ZNF761: variants seen among roughly 807,000 people sequenced by gnomAD.
ZNF761 encodes zinc finger protein 761.
In ZNF761, 43 loss-of-function variants were observed where a neutral mutation model predicts 59.9. That is an observed-to-expected ratio of 0.72 (90% confidence interval 0.56 to 0.92). ZNF761 has a LOEUF of 0.92. ZNF761 is among the 40% of genes least tolerant of loss of function. ZNF761 has a pLI of 0.00. For synonymous variants in ZNF761, 294 were observed against 304.8 expected, an observed-to-expected ratio of 0.96 and a Z score of 0.37; for missense variants, 850 against 906.1, an observed-to-expected ratio of 0.94 and a Z score of 0.79.
intron 4 of ZNF761, among the ~76,000 whole-genome samples, chr19:53,453,206 G>A (rs1000889538): frequency 6.6e-6 from 1 of 152,090 alleles, no homozygotes; most frequent in African/African-American, 2.4e-5. Flanking sequence ...ATTTCACCAT[G>A]TTGGCCAAGC....
At position 53,455,900 on chromosome 19, in the gene ZNF761, C is replaced by T. The variant is rs139734859; in HGVS notation, c.1393C>T (p.Pro465Ser). 2 of 1,613,890 alleles carry T rather than the reference C, an allele frequency of 1.2e-6. No individual in the cohort carries two copies. The highest frequency in any genetic ancestry group is 1.7e-6 in the Non-Finnish European group (2 of 1,179,900). Residue 465 changes from proline (P) to serine (S), a missense_variant, in exon 5 of 5, where the codon CCT becomes TCT. Physicochemically the swap from Pro to Ser is moderately conservative, Grantham distance 74 (BLOSUM62 -1). Coordinates refer to ENST00000684525, the MANE Select transcript of ZNF761 (RefSeq NM_001289951.2). The part of the protein sequence containing the change: ...CHRRRHTGEQ[P>S]YKCEECDKAF... ...TCGTAGACGTCATACTGGAGAGCAA[C>T]CTTACAAATGTGAAGAATGTGACAA...
intron 1 of ZNF761, among the ~76,000 whole-genome samples, chr19:53,434,016 T>G (rs34722177): frequency 0.09 from 13,712 of 152,296 alleles, 801 homozygotes; most frequent in African/African-American, 0.16. Flanking sequence ...GGAGGTAGTC[T>G]AAAGCTAATC....
chr19:53,447,651 G>A (rs10403011), intron 3 of ZNF761, among the ~76,000 whole-genome samples: 2,560 of 152,308 alleles, frequency 0.017, 81 homozygotes, highest in African/African-American at 0.058. Context: ...TGGAAGTCAT[G>A]TATTCATGTG....
intron 1 of ZNF761, among the ~76,000 whole-genome samples, chr19:53,435,344 G>T (rs1440037824): frequency 1.1e-5 from 1 of 89,198 alleles, no homozygotes; most frequent in Non-Finnish European, 2.1e-5. Context: ...TGCTCTTGTT[G>T]CCCAGTCTGG....
intron 1 of ZNF761, among the ~76,000 whole-genome samples, chr19:53,438,339 C>T (rs1263303947): frequency 6.6e-6 from 1 of 152,196 alleles, no homozygotes; most frequent in African/African-American, 2.4e-5. Context: ...GCAGCTAATG[C>T]CTTAAGGCAA....
At chr19:53,439,157 G>C (rs1196556753) in intron 1 of ZNF761, among the ~76,000 whole-genome samples, 1 of 151,712 alleles carries the variant, frequency 6.6e-6, no homozygotes, top group East Asian at 2.0e-4. Flanking sequence ...TGTAATCCCA[G>C]CTACCCAGGA....
At chr19:53,444,527 A>C (rs1255322008) in intron 1 of ZNF761, 1 of 152,128 alleles carries the variant, frequency 6.6e-6, no homozygotes, top group Non-Finnish European at 1.5e-5. Context: ...TCTCCCCACC[A>C]TTAGCCTGTA....
chr19:53,441,480 G>A (rs969953073), intron 1 of ZNF761, among the ~76,000 whole-genome samples: 1 of 148,246 alleles, frequency 6.7e-6, no homozygotes, highest in African/African-American at 2.5e-5. Context: ...AGAATCTCAC[G>A]CAGTCACCCA....
rs368157010 is a variant in ZNF761 at position 53,435,289 on chromosome 19, C to CTTTTTTTTTTTTTTTTT, written c.-185+3277_-185+3293dup. On this transcript the variant is annotated intron_variant, in intron 1 of 4. Coordinates refer to ENST00000684525, the MANE Select transcript of ZNF761 (RefSeq NM_001289951.2). ...GGTCGTCTGGCTATAAATACAAGTC[C>CTTTTTTTTTTTTTTTTT]TTTTTTTTTTTTTTTTTTTTTTTTT... 1.5e-4 allele frequency among the ~76,000 whole-genome samples: 8 copies of CTTTTTTTTTTTTTTTTT among 53,616 alleles called. 1 individual carries two copies. Among genetic ancestry groups the CTTTTTTTTTTTTTTTTT allele is most frequent in the African/African-American group, 5.7e-4 (7 of 12,362 alleles). The allele number at this position is 53,616 out of a possible 152,430, so 35.2% of individuals were successfully genotyped here.
At chr19:53,438,408 G>A (rs1021096210) in intron 1 of ZNF761, among the ~76,000 whole-genome samples, 3 of 152,212 alleles carry the variant, frequency 2.0e-5, no homozygotes, top group Non-Finnish European at 4.4e-5. Context: ...ACTGGGTGAC[G>A]CCATGATCCT....
At position 53,438,844 on chromosome 19, in the gene ZNF761, G is replaced by C. The variant is rs572811073; in HGVS notation, c.-185+6816G>C. On this transcript the variant is annotated intron_variant, in intron 1 of 4. Transcript: ENST00000684525. ...AACTTGCTTTCTATAGGAGATGGAG[G>C]AGATCCTGGGTTCCCCGATAACACT... Among the ~76,000 whole-genome samples, 3 of 152,284 alleles carry C rather than the reference G, an allele frequency of 2.0e-5. No homozygotes were observed. In the East Asian group the frequency reaches 5.8e-4, roughly 29 times the overall value.
At chr19:53,446,595 A>C (rs867484421) in intron 2 of ZNF761, among the ~76,000 whole-genome samples, 3 of 151,830 alleles carry the variant, frequency 2.0e-5, no homozygotes, top group Admixed American at 6.6e-5. Context: ...CTGGTCTCAA[A>C]CTTCTGACCT....
intron 1 of ZNF761, among the ~76,000 whole-genome samples, chr19:53,439,270 C>CAAAAAA (rs71185881): frequency 7.5e-6 from 1 of 132,888 alleles, no homozygotes; most frequent in Non-Finnish European, 1.6e-5. Flanking sequence ...GACTCTGACT[C>CAAAAAA]AAAAAAAAAA....
chr19:53,443,577 G>A (rs2086122727), intron 1 of ZNF761: 1 of 152,314 alleles, frequency 6.6e-6, no homozygotes, highest in Non-Finnish European at 1.5e-5. Flanking sequence ...TGATCTATAG[G>A]TGTGTCAGGT....
intron 1 of ZNF761, among the ~76,000 whole-genome samples, chr19:53,438,748 G>T (rs1217964493): frequency 3.3e-5 from 5 of 152,134 alleles, no homozygotes; most frequent in Non-Finnish European, 7.4e-5. Context: ...AGTGTTCCTC[G>T]TGGCTCAATA....
chr19:53,452,718 C>T (rs1051265457), intron 4 of ZNF761, among the ~76,000 whole-genome samples: 5 of 152,198 alleles, frequency 3.3e-5, no homozygotes, highest in Admixed American at 1.3e-4. Flanking sequence ...ATCTTCCTGC[C>T]GTGTCCTGAC....
At position 53,456,241 on chromosome 19, in the gene ZNF761, C is replaced by A; in HGVS notation, c.1734C>A (p.Tyr578Ter). 6 of 1,613,844 alleles carry A rather than the reference C, an allele frequency of 3.7e-6. No homozygotes were observed. Among genetic ancestry groups the A allele is most frequent in the Non-Finnish European group, 5.1e-6 (6 of 1,179,958 alleles). Residue 578 changes from tyrosine to a stop codon, truncating the protein, a stop_gained, in exon 5 of 5, where the codon TAC (tyrosine) becomes TAA (stop). Coordinates refer to ENST00000684525, the MANE Select transcript of ZNF761 (RefSeq NM_001289951.2). LOFTEE classifies it high-confidence loss of function. ...GACTTCATAGTGGAGAGAACCCTTACAAATGTGAAGATAGTGACAAAGCTT... is the reference window on the plus strand; with the variant it reads ...GACTTCATAGTGGAGAGAACCCTTAAAAATGTGAAGATAGTGACAAAGCTT... ...HRRLHSGENP[Y>*]KCEDSDKAYS...
chr19:53,447,105 C>T, intron 2 of ZNF761, 91 bp from the exon 3 acceptor site: 2 of 787,984 alleles, frequency 2.5e-6, no homozygotes, highest in Admixed American at 2.8e-5. Context: ...ACCATATTTC[C>T]CAGGGTGAGG....
chr19:53,445,767 C>A (rs1472528298), intron 1 of ZNF761, among the ~76,000 whole-genome samples: 1 of 151,848 alleles, frequency 6.6e-6, no homozygotes, highest in Non-Finnish European at 1.5e-5. Context: ...ATCTTCGAGG[C>A]CTTTCTCTGT....
Sources: gnomAD v4.1 joint callset for allele counts (sites outside exome capture counted in the v4.1 genomes callset) on GRCh38, gnomAD v4.1.1 for gene constraint, MANE v1.5 for transcripts, NCBI Gene and HGNC (gene_info 2026-07-23, HGNC 2026-07-21) for gene names.